NDUFA10: variants seen among roughly 807,000 people sequenced by gnomAD.
The protein encoded by NDUFA10 is NADH dehydrogenase [ubiquinone] 1 alpha subcomplex subunit 10, mitochondrial.
In NDUFA10, 40 loss-of-function variants were observed where a neutral mutation model predicts 47.8. The observed-to-expected ratio is 0.84, with a 90% CI of 0.65 to 1.09. The LOEUF is 1.09. NDUFA10 is among the 50% of genes least tolerant of loss of function. The pLI is 0.00. For missense variants in NDUFA10, 413 were observed against 451.1 expected, an observed-to-expected ratio of 0.92 and a Z score of 0.76; for synonymous variants, 183 against 172.2, an observed-to-expected ratio of 1.06 and a Z score of -0.49.
rs189133792 is a variant in NDUFA10, at chr2:239,906,050, G to A, written c.295-10736C>T. ...CCTAAGGAATTCCTGGAGCCCTGAG[G>A]GGTGATACCTCCAAGGTGCTCAGGG... is the stretch of plus-strand genomic sequence containing the variant. On this transcript the variant is annotated intron_variant, in intron 4 of 5. Transcript: ENST00000419408. This position sits in a 1 kb window ranked among gnomAD's most constrained non-coding sequence, Gnocchi z 4.3. Among the ~76,000 whole-genome samples, 534 of 152,238 alleles carry A rather than the reference G, an allele frequency of 3.5e-3. 6 individuals carry two copies. Among genetic ancestry groups the A allele is most frequent in the African/African-American group, 0.012 (504 of 41,562 alleles).
At chr2:239,929,707 T>A (rs1694128090) in intron 4 of NDUFA10, among the ~76,000 whole-genome samples, 1 of 145,584 alleles carries the variant, frequency 6.9e-6, no homozygotes. Context: ...CTGCTCTTGC[T>A]CCTCCGCCGG....
chr2:239,984,620 A>T (rs1387012900), intron 9 of NDUFA10, among the ~76,000 whole-genome samples: 5 of 152,244 alleles, frequency 3.3e-5, no homozygotes, highest in Non-Finnish European at 7.3e-5. Context: ...CTCACCATGT[A>T]ACTGTTAAAA....
At chr2:239,989,924 G>T in intron 9 of NDUFA10, 150 bp downstream of exon 9, 3 of 685,380 alleles carry the variant, frequency 4.4e-6, no homozygotes, top group Non-Finnish European at 7.9e-6. Flanking sequence ...CGGGGAAAAG[G>T]GAGAATTATT....
chr2:239,939,545 T>G (rs1195140077), intron 4 of NDUFA10, among the ~76,000 whole-genome samples: 4 of 152,240 alleles, frequency 2.6e-5, no homozygotes, highest in Non-Finnish European at 5.9e-5. Context: ...AGAATCATTT[T>G]GGGGGGATAA....
At chr2:239,900,636 C>A (rs575145030) in intron 4 of NDUFA10, among the ~76,000 whole-genome samples, 13 of 151,834 alleles carry the variant, frequency 8.6e-5, no homozygotes, top group Non-Finnish European at 1.8e-4. Flanking sequence ...CATAGCCCAG[C>A]AAAGCTGAGT....
intron 4 of NDUFA10, among the ~76,000 whole-genome samples, chr2:239,940,972 A>G (rs561894014): frequency 6.6e-6 from 1 of 152,346 alleles, no homozygotes; most frequent in South Asian, 2.1e-4. Context: ...TGTGAACCAC[A>G]GATATTCTTC....
intron 4 of NDUFA10, among the ~76,000 whole-genome samples, chr2:239,937,682 G>A (rs942377861): frequency 8.5e-5 from 13 of 152,182 alleles, no homozygotes; most frequent in African/African-American, 2.2e-4. Flanking sequence ...GGACATGTGC[G>A]TTCAGTGCTC....
intron 4 of NDUFA10, among the ~76,000 whole-genome samples, chr2:239,898,870 T>A (rs1325471459): frequency 4.6e-5 from 7 of 152,138 alleles, no homozygotes; most frequent in Non-Finnish European, 7.3e-5. Context: ...CAGGCCTGTC[T>A]CCTTCTCTCC....
chr2:239,899,726 G>C (rs983732449), intron 4 of NDUFA10, among the ~76,000 whole-genome samples: 1 of 152,050 alleles, frequency 6.6e-6, no homozygotes, highest in African/African-American at 2.4e-5. Context: ...GGGCCTCAAT[G>C]CAACACTTAA....
intron 9 of NDUFA10, among the ~76,000 whole-genome samples, chr2:239,964,900 C>A (rs1364487288): frequency 6.6e-6 from 1 of 152,128 alleles, no homozygotes; most frequent in Non-Finnish European, 1.5e-5. Flanking sequence ...AAGGTTTTCC[C>A]GTTTAACCAA....
At chr2:239,972,215 TATAAA>T (rs1337760112) in intron 9 of NDUFA10, among the ~76,000 whole-genome samples, 4 of 152,020 alleles carry the variant, frequency 2.6e-5, no homozygotes, top group Non-Finnish European at 5.9e-5. Flanking sequence ...ATATTATACA[TATAAA>T]TAAATATGTG....
chr2:239,991,979 T>TA (rs777404092), intron 8 of NDUFA10, among the ~76,000 whole-genome samples: 33 of 152,162 alleles, frequency 2.2e-4, no homozygotes, highest in Non-Finnish European at 3.8e-4. Flanking sequence ...TTTTGAAGAT[T>TA]AAAAAAAGAA....
rs74802135 is a variant in NDUFA10 at position 239,987,340 on chromosome 2, G to A, written c.999+2734C>T. 1.9e-4 allele frequency among the ~76,000 whole-genome samples: 29 copies of A among 151,856 alleles called. No homozygotes were observed. Among genetic ancestry groups the A allele is most frequent in the South Asian group, 4.2e-4 (2 of 4,774 alleles). On this transcript the variant is annotated intron_variant, in intron 9 of 9. Transcript: ENST00000252711. The surrounding 1 kb of genome is among the most constrained non-coding windows in gnomAD (Gnocchi z 4.8). ...GCGCTGTGCATCGACAGGAGGACTCGCTCGAATGCGTGTCTGGGCCCCATC... is the reference window on the plus strand; with the variant it reads ...GCGCTGTGCATCGACAGGAGGACTCACTCGAATGCGTGTCTGGGCCCCATC...
chr2:239,915,698 TACATACACAG>T (rs1181464984), intron 4 of NDUFA10, among the ~76,000 whole-genome samples: 1 of 129,942 alleles, frequency 7.7e-6, no homozygotes, highest in Non-Finnish European at 1.6e-5. Flanking sequence ...AACACACACA[TACATACACAG>T]ACATACACAA....
intron 4 of NDUFA10, among the ~76,000 whole-genome samples, chr2:239,931,231 G>C (rs1378523328): frequency 6.6e-6 from 1 of 152,164 alleles, no homozygotes; most frequent in Admixed American, 6.5e-5. Context: ...AGAAATCAAG[G>C]TGTCTGCAGG....
intron 6 of NDUFA10, among the ~76,000 whole-genome samples, chr2:240,009,126 AC>A (rs1479324103): frequency 6.6e-6 from 1 of 152,182 alleles, no homozygotes; most frequent in African/African-American, 2.4e-5. Flanking sequence ...TTATTTCAAT[AC>A]TTCCAGAGCC....
At chr2:239,992,777 C>G (rs1242628202) in intron 8 of NDUFA10, among the ~76,000 whole-genome samples, 5 of 152,136 alleles carry the variant, frequency 3.3e-5, no homozygotes, top group African/African-American at 1.2e-4. Context: ...ACAATTACTG[C>G]CTCTCAGCAC....
At chr2:239,968,212 G>A (rs1250029888) in intron 9 of NDUFA10, among the ~76,000 whole-genome samples, 6 of 152,228 alleles carry the variant, frequency 3.9e-5, no homozygotes, top group Admixed American at 3.9e-4. Flanking sequence ...GACCAACACG[G>A]AGAGAGGCTT....
chr2:240,019,764 A>AGC lies in NDUFA10; in HGVS notation c.461-1127_461-1126dup, dbSNP rs1697534219. On this transcript the variant is annotated intron_variant, in intron 3 of 9. Coordinates refer to ENST00000252711, the MANE Select transcript of NDUFA10 (RefSeq NM_004544.4). ...AACCCGGGAGGCGGAGCTTGCAGTG[A>AGC]GCCGAGATCCCGCCACTGCACTCCA... is the stretch of plus-strand genomic sequence containing the variant. Among the ~76,000 whole-genome samples the AGC allele has an allele frequency of 2.0e-4, 5 of 24,946 alleles. 1 individual carries two copies. In the Admixed American group the frequency reaches 2.6e-3, roughly 13 times the overall value. The allele number at this position is 24,946 out of a possible 152,430, so 16.4% of individuals were successfully genotyped here.
Sources: gnomAD v4.1 joint callset for allele counts (sites outside exome capture counted in the v4.1 genomes callset) on GRCh38, gnomAD v4.1.1 for gene constraint, Gnocchi (gnomAD v3.1) non-coding constraint, MANE v1.5 for transcripts, NCBI Gene and HGNC (gene_info 2026-07-23, HGNC 2026-07-21) for gene names.